The following ASCC3 variants were observed in gnomAD, a reference collection of about 807,000 sequenced individuals.
The protein encoded by ASCC3 is activating signal cointegrator 1 complex subunit 3, also known as ASC-1 complex subunit P200.
ASCC3 carries 158 observed loss-of-function variants against 256.3 expected under a neutral mutation model. The observed-to-expected ratio is 0.62, with a 90% CI of 0.54 to 0.70. The LOEUF (loss-of-function observed/expected upper bound fraction) is 0.70, where lower values mean the gene tolerates loss of function less well. Among genes scored for constraint, ASCC3 ranks in the 30% least tolerant of loss-of-function variants. ASCC3 has a pLI of 0.00. For synonymous variants in ASCC3, 948 were observed against 883.4 expected (o/e 1.07, Z -1.30); for missense variants, 2,259 against 2,626.0 (o/e 0.86, Z 3.05).
At chr6:100,582,191 C>G (rs944873649) in intron 36 of ASCC3, among the ~76,000 whole-genome samples, 16 of 152,036 alleles carry the variant, frequency 1.1e-4, no homozygotes, top group Non-Finnish European at 8.8e-5. Flanking sequence ...TGGCCATTAT[C>G]ATGATATTGA....
chr6:100,752,293 C>A (rs1223100311), intron 10 of ASCC3, among the ~76,000 whole-genome samples: 2 of 151,982 alleles, frequency 1.3e-5, no homozygotes, highest in African/African-American at 4.8e-5. Flanking sequence ...GAGATTAAAT[C>A]ATTTATGAAA....
At chr6:100,672,734 TA>T (rs1239227101) in intron 14 of ASCC3, among the ~76,000 whole-genome samples, 1 of 152,108 alleles carries the variant, frequency 6.6e-6, no homozygotes, top group Non-Finnish European at 1.5e-5. Flanking sequence ...ACCAAATTTC[TA>T]ATAAGTACCT....
intron 1 of ASCC3, among the ~76,000 whole-genome samples, chr6:100,874,104 G>A (rs1329904974): frequency 1.3e-5 from 2 of 152,094 alleles, no homozygotes; most frequent in African/African-American, 4.8e-5. Flanking sequence ...ACAAATATTT[G>A]AGTTTCTCCT....
chr6:100,540,471 G>A (rs977404629), intron 36 of ASCC3, 84 bp from the exon 37 acceptor site: 15 of 1,196,002 alleles, frequency 1.3e-5, no homozygotes, highest in Non-Finnish European at 1.4e-5. Context: ...TTTAAAACAT[G>A]GCTCAGAAAA....
chr6:100,745,988 T>C (rs553871908), intron 10 of ASCC3, among the ~76,000 whole-genome samples: 19 of 151,964 alleles, frequency 1.3e-4, no homozygotes, highest in African/African-American at 4.6e-4. Flanking sequence ...TTTAAAATAA[T>C]AAAAAAGCAG....
chr6:100,686,061 A>G (rs1777552287), intron 13 of ASCC3, among the ~76,000 whole-genome samples: 1 of 152,238 alleles, frequency 6.6e-6, no homozygotes, highest in Non-Finnish European at 1.5e-5. Flanking sequence ...TAAATATAAC[A>G]CATTGAGCCC....
At position 100,644,058 on chromosome 6, in the gene ASCC3, T is replaced by C; in HGVS notation, c.3705A>G (p.Ser1235=). 6.2e-7 allele frequency: 1 copy of C among 1,612,364 alleles called. No homozygotes were observed. Among genetic ancestry groups the C allele is most frequent in the South Asian group, 1.1e-5 (1 of 91,038 alleles). Residue 1235 remains serine (S), a synonymous_variant, in exon 23 of 42, where the codon TCA becomes TCG. Coordinates refer to ENST00000369162, the MANE Select transcript of ASCC3 (RefSeq NM_006828.4). The part of the protein sequence containing the change: ...EDPTNDHIYH[S]EYFLALKKQV... ...GTTTTTTTAGAGCTAGAAAATACTC[T>C]GAATGATAAATATGATCATTTGTAG...
chr6:100,723,649 ATT>A (rs1316945546), intron 11 of ASCC3, among the ~76,000 whole-genome samples: 1 of 151,108 alleles, frequency 6.6e-6, no homozygotes, highest in East Asian at 1.9e-4. Context: ...CTAATTAGAT[ATT>A]GGGATGGAAG....
At chr6:100,760,284 G>A (rs891471262) in intron 10 of ASCC3, among the ~76,000 whole-genome samples, 20 of 152,080 alleles carry the variant, frequency 1.3e-4, no homozygotes, top group African/African-American at 4.8e-4. Flanking sequence ...ATTCGCTGTG[G>A]GACTGTGATA....
At chr6:100,563,417 T>G (rs982109427) in intron 36 of ASCC3, among the ~76,000 whole-genome samples, 1 of 152,222 alleles carries the variant, frequency 6.6e-6, no homozygotes, top group African/African-American at 2.4e-5. Context: ...CAAAAAGTTA[T>G]ACGATTCACC....
At chr6:100,641,859 T>C (rs1417683682) in intron 24 of ASCC3, among the ~76,000 whole-genome samples, 1 of 152,088 alleles carries the variant, frequency 6.6e-6, no homozygotes, top group African/African-American at 2.4e-5. Flanking sequence ...GCATGTCCTT[T>C]GTAGGAACAT....
intron 36 of ASCC3, among the ~76,000 whole-genome samples, chr6:100,576,023 A>T (rs1770840773): frequency 6.6e-6 from 1 of 151,966 alleles, no homozygotes; most frequent in Non-Finnish European, 1.5e-5. Flanking sequence ...TTCCCTCAGG[A>T]TTTTTACTTA....
chr6:100,851,243 T>C (rs955281357), intron 3 of ASCC3, among the ~76,000 whole-genome samples: 10 of 152,190 alleles, frequency 6.6e-5, no homozygotes, highest in Admixed American at 2.6e-4. Context: ...TGTAAATTCC[T>C]AGACAGTAGA....
chr6:100,780,410 A>T (rs1256717849), intron 8 of ASCC3, among the ~76,000 whole-genome samples: 1 of 152,168 alleles, frequency 6.6e-6, no homozygotes, highest in Non-Finnish European at 1.5e-5. Context: ...ATGTGGTCGA[A>T]AAGACCCTGC....
chr6:100,870,420 T>G (rs1773688410), intron 1 of ASCC3, among the ~76,000 whole-genome samples: 1 of 152,052 alleles, frequency 6.6e-6, no homozygotes, highest in Non-Finnish European at 1.5e-5. Context: ...ATTCATTCCT[T>G]TTTTTAAAAA....
chr6:100,811,478 G>A (rs965939897), intron 4 of ASCC3, among the ~76,000 whole-genome samples: 2 of 152,064 alleles, frequency 1.3e-5, no homozygotes, highest in Admixed American at 6.5e-5. Context: ...TAAGTGAAGT[G>A]ATTGTTCTTA....
intron 1 of ASCC3, among the ~76,000 whole-genome samples, chr6:100,877,153 G>C (rs184003749): frequency 6.6e-6 from 1 of 152,178 alleles, no homozygotes; most frequent in Admixed American, 6.5e-5. Context: ...AATATGAAAA[G>C]ATCTCCAAAA....
chr6:100,735,926 T>C (rs951307143), intron 10 of ASCC3, among the ~76,000 whole-genome samples: 1 of 152,206 alleles, frequency 6.6e-6, no homozygotes, highest in African/African-American at 2.4e-5. Context: ...CCTTTTTATA[T>C]GCTTCTGTGG....
At chr6:100,736,592 T>G (rs1346568109) in intron 10 of ASCC3, among the ~76,000 whole-genome samples, 5 of 152,188 alleles carry the variant, frequency 3.3e-5, no homozygotes, top group African/African-American at 9.7e-5. Context: ...TTGTATACAC[T>G]TAACCACACT....
Sources: gnomAD v4.1 joint callset for allele counts (sites outside exome capture counted in the v4.1 genomes callset) on GRCh38, gnomAD v4.1.1 for gene constraint, MANE v1.5 for transcripts, NCBI Gene and HGNC (gene_info 2026-07-23, HGNC 2026-07-21) for gene names.